Variants in DGAT2L6 observed in about 807,000 individuals in gnomAD.
DGAT2L6 encodes diacylglycerol O-acyltransferase 2-like protein 6.
In DGAT2L6, 22 loss-of-function variants were observed where a neutral mutation model predicts 25.5. The ratio of observed to expected loss-of-function variants is 0.86; its 90% CI spans 0.62 to 1.23. The LOEUF is 1.23. DGAT2L6 is among the 50% of genes most tolerant of loss of function. The pLI is 0.00. For synonymous variants in DGAT2L6, 100 were observed against 94.7 expected (o/e 1.06, Z -0.32); for missense variants, 287 against 253.2 (o/e 1.13, Z -0.91).
intron 1 of DGAT2L6, among the ~76,000 whole-genome samples, chrX:70,178,090 C>T (rs12851801): frequency 9.2e-6 from 1 of 108,167 alleles, no homozygotes; most frequent in Non-Finnish European, 1.9e-5. Flanking sequence ...GAGCCAAGAT[C>T]GTGCCACTGC....
At chrX:70,191,362 T>G (rs1003268669) in intron 1 of DGAT2L6, among the ~76,000 whole-genome samples, 4 of 111,291 alleles carry the variant, frequency 3.6e-5, no homozygotes, top group African/African-American at 1.3e-4. Context: ...ATGTATACAA[T>G]GACAGAACTG....
Position 70,200,267 on chromosome X carries a change from C to A in DGAT2L6, c.280C>A (p.His94Asn), listed in dbSNP as rs769417853. The A allele has an allele frequency of 5.6e-5, 68 of 1,209,205 alleles. No individual in the cohort carries two copies. In the South Asian group the frequency reaches 1.2e-3, roughly 21 times the overall value. The part of the protein sequence containing the change: ...NYFPVKLVKT[H>N]DLSPKHNYII... ...TTCCCTCTAACAGCTGGTGAAGACT[C>A]ATGATCTTTCTCCCAAACACAACTA... The change falls in exon 4 of 7, where the codon CAT becomes AAT. Residue 94 changes from histidine (H) to asparagine (N), a missense_variant. His to Asn is a moderately conservative substitution (Grantham distance 68). Coordinates refer to ENST00000333026, the MANE Select transcript of DGAT2L6 (RefSeq NM_198512.3).
intron 1 of DGAT2L6, among the ~76,000 whole-genome samples, chrX:70,193,761 G>C (rs2085382586): frequency 9.0e-6 from 1 of 111,667 alleles, no homozygotes. Flanking sequence ...ACATAATAAA[G>C]GCCATATATG....
rs1007712568 is a variant in DGAT2L6 at position 70,202,805 on chromosome X, G to C, written c.647+741G>C. Among the ~76,000 whole-genome samples, 4 of 111,365 alleles carry C rather than the reference G, an allele frequency of 3.6e-5. No individual in the cohort carries two copies. The Admixed American group carries it at 3.8e-4, about 11-fold the overall frequency. On this transcript the variant is annotated intron_variant, in intron 5 of 6. Transcript: ENST00000333026. ...GGATGATCCTGTTAAACATGAGTCA[G>C]ATCATGTCACTTCTCAAAATAATCC...
chrX:70,204,599 C>A (rs1317355794), intron 6 of DGAT2L6, 83 bp downstream of exon 6: 3 of 1,072,076 alleles, frequency 2.8e-6, no homozygotes, highest in Non-Finnish European at 3.8e-6. Flanking sequence ...TCCAGGGGGA[C>A]CCAACTCACA....
chrX:70,195,443 G>A (rs1441204277), intron 1 of DGAT2L6, among the ~76,000 whole-genome samples: 2 of 85,144 alleles, frequency 2.3e-5, no homozygotes, highest in Admixed American at 1.5e-4. Context: ...TCCACTGGCA[G>A]ATGAATGAAT....
rs1407816374 is a variant in DGAT2L6 at position 70,199,705 on chromosome X, A to G, written c.197-107A>G. On this transcript the variant is annotated intron_variant, in intron 2 of 6. Transcript: ENST00000333026. ...CTTACAGTTCTGAGGTGTCAGAAGG[A>G]GGCCCCTCACGTGACCTGAGGACTG... The G allele has an allele frequency of 7.2e-6, 5 of 697,618 alleles. No individual in the cohort carries two copies. In the African/African-American group the frequency reaches 8.7e-5, roughly 12 times the overall value. 57.5% of individuals were successfully genotyped at this position (697,618 alleles called of 1,213,427 possible).
In DGAT2L6 at chrX:70,182,693, G is replaced by A. The variant is rs186115844; in HGVS notation, c.85+5026G>A. ...TTTTGAGGCAGAGTCTCGCTCTGTC[G>A]CCCAGGCTGGAGTGCAGTGGCGCGA... On this transcript the variant is annotated intron_variant, in intron 1 of 6. Transcript: ENST00000333026. 3.3e-3 allele frequency among the ~76,000 whole-genome samples: 358 copies of A among 109,455 alleles called. 4 individuals carry two copies. Among genetic ancestry groups the A allele is most frequent in the African/African-American group, 0.011 (340 of 30,086 alleles).
At chrX:70,202,586 A>C (rs938075928) in intron 5 of DGAT2L6, among the ~76,000 whole-genome samples, 17 of 112,209 alleles carry the variant, frequency 1.5e-4, no homozygotes, top group African/African-American at 5.5e-4. Context: ...CTCACAGTCC[A>C]ATATGGAAGA....
At chrX:70,177,775 C>T in intron 1 of DGAT2L6, 108 bp downstream of exon 1, 8 of 685,255 alleles carry the variant, frequency 1.2e-5, no homozygotes, top group Non-Finnish European at 1.3e-5. Flanking sequence ...TCTCCACCCT[C>T]TGGGAAGGAT....
In DGAT2L6 at chrX:70,192,520, A is replaced by G. The variant is rs1208239192; in HGVS notation, c.86-6751A>G. Among the ~76,000 whole-genome samples, 14 of 112,473 alleles carry G rather than the reference A, an allele frequency of 1.2e-4. No individual in the cohort carries two copies. In the South Asian group the frequency reaches 5.1e-3, roughly 41 times the overall value. ...TATATCATGTATCCATTAACAAATT[A>G]TTGTAGCTGTAGTTATTTTTAGTAC... On this transcript the variant is annotated intron_variant, in intron 1 of 6. Coordinates refer to ENST00000333026, the MANE Select transcript of DGAT2L6 (RefSeq NM_198512.3).
chrX:70,188,842 C>A (rs2085366888), intron 1 of DGAT2L6, among the ~76,000 whole-genome samples: 1 of 109,691 alleles, frequency 9.1e-6, no homozygotes, highest in African/African-American at 3.3e-5. Flanking sequence ...TGTAAACTAC[C>A]ATACTAACCA....
rs1207681450 is a variant in DGAT2L6 at position 70,200,676 on chromosome X, A to G, written c.472+217A>G. Among the ~76,000 whole-genome samples the G allele has an allele frequency of 2.7e-5, 3 of 111,361 alleles. No homozygotes were observed. The Admixed American group carries it at 2.9e-4, about 11-fold the overall frequency. ...GCAGCAGGGGAAATTATAGGCATTC[A>G]TAGGAGTCACCAGGACTTTTTTCAG... On this transcript the variant is annotated intron_variant, in intron 4 of 6. Transcript: ENST00000333026.
intron 1 of DGAT2L6, among the ~76,000 whole-genome samples, chrX:70,182,349 G>C (rs781278311): frequency 2.7e-5 from 3 of 109,667 alleles, no homozygotes; most frequent in Non-Finnish European, 3.8e-5. Context: ...CATCTCTTCC[G>C]GGCTTGTATC....
At chrX:70,186,137 A>G in intron 1 of DGAT2L6, among the ~76,000 whole-genome samples, 1 of 112,102 alleles carries the variant, frequency 8.9e-6, no homozygotes, top group Non-Finnish European at 1.9e-5. Flanking sequence ...TGCAACTTGG[A>G]GAATTGTGAA....
intron 1 of DGAT2L6, among the ~76,000 whole-genome samples, chrX:70,194,752 A>G (rs895451202): frequency 1.1e-4 from 12 of 112,332 alleles, no homozygotes; most frequent in African/African-American, 3.9e-4. Flanking sequence ...AATGGATTAA[A>G]GACTTAAATG....
At chrX:70,201,841 C>T (rs1380658662) in intron 4 of DGAT2L6, 49 bp from the exon 5 acceptor site, 1 of 1,111,008 alleles carries the variant, frequency 9.0e-7, no homozygotes, top group Non-Finnish European at 1.2e-6. Context: ...CCCCTTACCC[C>T]ATCCTCAGGA....
At chrX:70,204,020 T>C (rs1171432830) in intron 5 of DGAT2L6, among the ~76,000 whole-genome samples, 2 of 111,144 alleles carry the variant, frequency 1.8e-5, no homozygotes, top group Non-Finnish European at 3.8e-5. Context: ...AGGAGTGGCA[T>C]GTCCAGATAT....
At chrX:70,186,549 C>G (rs2085360316) in intron 1 of DGAT2L6, among the ~76,000 whole-genome samples, 2 of 111,496 alleles carry the variant, frequency 1.8e-5, no homozygotes, top group Admixed American at 1.9e-4. Context: ...CAAAGGTGGT[C>G]GGGCCCGTTT....
Sources: gnomAD v4.1 joint callset for allele counts (sites outside exome capture counted in the v4.1 genomes callset) on GRCh38, gnomAD v4.1.1 for gene constraint, MANE v1.5 for transcripts, NCBI Gene and HGNC (gene_info 2026-07-23, HGNC 2026-07-21) for gene names.